The following EED variants were observed in gnomAD, a reference collection of about 807,000 sequenced individuals.
EED encodes embryonic ectoderm development, also known as polycomb protein EED.
In EED, 9 loss-of-function variants were observed where a neutral mutation model predicts 61.0. The ratio of observed to expected loss-of-function variants is 0.15; its 90% CI spans 0.09 to 0.26. EED has a LOEUF of 0.26. EED is among the 10% of genes least tolerant of loss of function. EED has a pLI of 1.00. For synonymous variants in EED, 187 were observed against 174.4 expected, an observed-to-expected ratio of 1.07 and a Z score of -0.57; for missense variants, 315 against 542.3, an observed-to-expected ratio of 0.58 and a Z score of 4.16.
chr11:86,276,963 TTC>T lies in EED; in HGVS notation c.967-9_967-8del, dbSNP rs1476411377. ...CCTCATTAACATTTCTTTTTCTCATTTCTCTCTCTGTTTTAGTCTTGTGAAAA... is the reference window on the plus strand; with the variant it reads ...CCTCATTAACATTTCTTTTTCTCATTTCTCTCTGTTTTAGTCTTGTGAAAA... On this transcript the variant is annotated splice_polypyrimidine_tract_variant and intron_variant, in intron 9 of 11. Coordinates refer to ENST00000263360, the MANE Select transcript of EED (RefSeq NM_003797.5). 3 of 1,471,260 alleles carry T rather than the reference TTC, an allele frequency of 2.0e-6. No homozygotes were observed. The highest frequency in any genetic ancestry group is 2.3e-5 in the Admixed American group (1 of 44,362). The allele number at this position is 1,471,260 out of a possible 1,614,324, so 91.1% of individuals were successfully genotyped here.
downstream of EED, among the ~76,000 whole-genome samples, chr11:86,282,081 T>C (rs530414477): frequency 1.3e-5 from 2 of 152,112 alleles, no homozygotes; most frequent in South Asian, 2.1e-4. Flanking sequence ...TCTTGATTTA[T>C]CTATACATCT....
At chr11:86,258,236 C>T (rs143977181) in intron 6 of EED, among the ~76,000 whole-genome samples, 1 of 152,060 alleles carries the variant, frequency 6.6e-6, no homozygotes. Context: ...ATCATTTTGT[C>T]CAATCATGTA....
downstream of EED, among the ~76,000 whole-genome samples, chr11:86,279,206 T>C (rs1435476483): frequency 1.3e-5 from 2 of 152,184 alleles, no homozygotes; most frequent in East Asian, 3.8e-4. Context: ...CTGTAACCTT[T>C]CTTTATAGTT....
Position 86,268,442 on chromosome 11 carries a change from C to A in EED, c.861-14C>A. The A allele has an allele frequency of 2.8e-6, 4 of 1,451,830 alleles. No homozygotes were observed. Among genetic ancestry groups the A allele is most frequent in the South Asian group, 1.4e-5 (1 of 73,576 alleles). 89.9% of individuals were successfully genotyped at this position (1,451,830 alleles called of 1,614,324 possible). On this transcript the variant is annotated splice_polypyrimidine_tract_variant and intron_variant, in intron 8 of 11. Coordinates refer to ENST00000263360, the MANE Select transcript of EED (RefSeq NM_003797.5). ...TTTTTCTTTTAACTTTTTACATTTC[C>A]ATTCTTCCTTCAGGCCATTTATTTC... is the stretch of plus-strand genomic sequence containing the variant.
chr11:86,252,235 A>G lies in EED; in HGVS notation c.355A>G (p.Asn119Asp), dbSNP rs1221175263. 6.2e-7 allele frequency: 1 copy of G among 1,608,574 alleles called. No homozygotes were observed. The highest frequency in any genetic ancestry group is 8.5e-7 in the Non-Finnish European group (1 of 1,176,248). The change falls in exon 3 of 12, where the codon AAC (asparagine) becomes GAC (aspartate). Residue 119 changes from asparagine to aspartate, a missense_variant. Asn to Asp is a conservative substitution (Grantham distance 23). Coordinates refer to ENST00000263360, the MANE Select transcript of EED (RefSeq NM_003797.5). ...ATTAGTGTTTGCAACTGTAGGAAGC[A>G]ACAGAGTGAGTGTTAAGGGGTCTAT... ...DPLVFATVGS[N>D]RVTLYECHSQ...
chr11:86,262,974 G>A (rs1018414831), intron 6 of EED, among the ~76,000 whole-genome samples: 1 of 151,978 alleles, frequency 6.6e-6, no homozygotes, highest in African/African-American at 2.4e-5. Context: ...ACCACACCTG[G>A]CTAATTTATT....
At chr11:86,265,992 A>G in intron 7 of EED, 91 bp from the exon 8 acceptor site, 1 of 1,105,154 alleles carries the variant, frequency 9.0e-7, no homozygotes, top group Non-Finnish European at 1.3e-6. Context: ...GATTTGAAAT[A>G]CAGTTTTCAC....
intron 9 of EED, among the ~76,000 whole-genome samples, chr11:86,274,079 G>C (rs1446655131): frequency 6.6e-6 from 1 of 151,146 alleles, no homozygotes; most frequent in Non-Finnish European, 1.5e-5. Flanking sequence ...TCGTTTGTTT[G>C]GTCCCTAGGA....
chr11:86,256,337 CAT>C lies in EED; in HGVS notation c.427-49_427-48del, dbSNP rs759973779. 7 of 1,450,754 alleles carry C rather than the reference CAT, an allele frequency of 4.8e-6. No individual in the cohort carries two copies. The Admixed American group carries it at 1.2e-4, about 24-fold the overall frequency. The allele number at this position is 1,450,754 out of a possible 1,614,324, so 89.9% of individuals were successfully genotyped here. ...TATAAGTTTCTATTATAATTATTGA[CAT>C]GTTTCTTTTTCAAAAACATTATGTT... On this transcript the variant is annotated intron_variant, in intron 4 of 11. Coordinates refer to ENST00000263360, the MANE Select transcript of EED (RefSeq NM_003797.5).
chr11:86,277,923 T>C lies in EED; in HGVS notation c.1131T>C (p.Leu377=). ...RFSMDFWQKM[L]ALGNQVGKLY... is the part of the protein sequence containing the mutation. The stretch of plus-strand genomic sequence containing the variant: ...TTAAAAATATGTTTATACAGATGCT[T>C]GCATTGGGCAATCAAGTTGGCAAAC... The change falls in exon 11 of 12, where the codon CTT becomes CTC. Residue 377 remains leucine, a synonymous_variant. Coordinates refer to ENST00000263360, the MANE Select transcript of EED (RefSeq NM_003797.5). The C allele has an allele frequency of 6.5e-7, 1 of 1,544,862 alleles. No individual in the cohort carries two copies. The highest frequency in any genetic ancestry group is 8.7e-7 in the Non-Finnish European group (1 of 1,155,802).
intron 5 of EED, among the ~76,000 whole-genome samples, chr11:86,257,186 TG>T (rs1262609839): frequency 4.1e-4 from 5 of 12,212 alleles, no homozygotes; most frequent in East Asian, 4.0e-3. Flanking sequence ...ATTTTTAATT[TG>T]TGTGTGTGTG....
At chr11:86,252,297 G>A (rs1444474504) in intron 3 of EED, 57 bp downstream of exon 3, 8 of 1,220,684 alleles carry the variant, frequency 6.6e-6, no homozygotes, top group Non-Finnish European at 9.4e-6. Flanking sequence ...TGGTGTTAAT[G>A]TAATATTGAA....
In EED at chr11:86,278,356, C is replaced by T. The variant is rs374894921; in HGVS notation, c.1200-43C>T. The T allele has an allele frequency of 1.3e-5, 21 of 1,594,940 alleles. No individual in the cohort carries two copies. The African/African-American group carries it at 1.9e-4, about 14-fold the overall frequency. ...GCTGTTTTAGGGTAGACACTGACAACGTTATGTGTGGTCTTTAACCTGTTG... is the reference window on the plus strand; with the variant it reads ...GCTGTTTTAGGGTAGACACTGACAATGTTATGTGTGGTCTTTAACCTGTTG... On this transcript the variant is annotated intron_variant, in intron 11 of 11. Transcript: ENST00000263360.
chr11:86,273,735 G>T (rs145661655), intron 9 of EED, among the ~76,000 whole-genome samples: 59 of 152,164 alleles, frequency 3.9e-4, no homozygotes, highest in Non-Finnish European at 6.0e-4. Context: ...TCCCTCTTTG[G>T]CCTCCATAAT....
chr11:86,250,239 T>C (rs768917682), intron 1 of EED, 57 bp from the exon 2 acceptor site: 7 of 1,390,184 alleles, frequency 5.0e-6, no homozygotes, highest in Non-Finnish European at 6.6e-6. Flanking sequence ...TAGAGTTATT[T>C]ACTGCTAAAA....
chr11:86,278,025 G>A (rs770866596), intron 11 of EED, 34 bp downstream of exon 11: 1 of 1,484,334 alleles, frequency 6.7e-7, no homozygotes, highest in South Asian at 1.5e-5. Flanking sequence ...CAAAATTTCA[G>A]GCTTTTTCTC....
At chr11:86,264,333 T>C (rs1022103204) in intron 7 of EED, 70 bp downstream of exon 7, 1 of 1,112,718 alleles carries the variant, frequency 9.0e-7, no homozygotes, top group East Asian at 2.4e-5. Context: ...TGGAACTGTT[T>C]CCTTATAAGA....
At chr11:86,257,418 CTTTAAGTGAAACTA>C in intron 5 of EED, 83 bp from the exon 6 acceptor site, 2 of 772,362 alleles carry the variant, frequency 2.6e-6, no homozygotes. Context: ...AGAACCACTA[CTTTAAGTGAAACTA>C]TTTTTACATT....
chr11:86,277,362 G>A, intron 10 of EED: 3 of 352,840 alleles, frequency 8.5e-6, no homozygotes, highest in South Asian at 9.8e-5. Context: ...AATTAAGTTG[G>A]CAGTTAGGTA....
Sources: allele counts gnomAD v4.1 joint callset (sites outside exome capture counted in the v4.1 genomes callset), GRCh38; gene constraint gnomAD v4.1.1; transcripts MANE v1.5; gene names NCBI Gene and HGNC (gene_info 2026-07-23, HGNC 2026-07-21).